Variants in RTTN observed in about 807,000 individuals in gnomAD.
The protein encoded by RTTN is rotatin.
Under a neutral mutation model 269.2 loss-of-function variants are expected in RTTN, and 182 were observed. The ratio of observed to expected loss-of-function variants is 0.68; its 90% confidence interval spans 0.60 to 0.76. The LOEUF (loss-of-function observed/expected upper bound fraction) is 0.76, where lower values mean the gene tolerates loss of function less well. RTTN is among the 30% of genes least tolerant of loss of function. The pLI, the probability that RTTN is intolerant of heterozygous loss-of-function variation, is 0.00. For synonymous variants in RTTN, 1,006 were observed against 963.5 expected, an observed-to-expected ratio of 1.04 and a Z score of -0.82; for missense variants, 2,545 against 2,608.6, an observed-to-expected ratio of 0.98 and a Z score of 0.53.
intron 28 of RTTN, among the ~76,000 whole-genome samples, chr18:70,103,774 A>AG (rs1466352737): frequency 2.7e-4 from 41 of 151,198 alleles, no homozygotes; most frequent in African/African-American, 9.2e-4. Flanking sequence ...AAAAAAAAAA[A>AG]AAAAGCAAAT....
rs1443333617 is a variant in RTTN, at chr18:70,128,456, C to T, written c.3045G>A (p.Lys1015=). The T allele has an allele frequency of 7.4e-6, 12 of 1,613,172 alleles. No homozygotes were observed. The highest frequency in any genetic ancestry group is 1.0e-5 in the Non-Finnish European group (12 of 1,179,530). The change falls in exon 24 of 49, where the codon AAG becomes AAA. Residue 1015 remains lysine (K), a synonymous_variant. Coordinates refer to ENST00000640769, the MANE Select transcript of RTTN (RefSeq NM_173630.4). The stretch of plus-strand genomic sequence containing the variant: ...CTATTCTCAGCATATCTGACACCGG[C>T]TTCAAGGCCAAACAATCAGCAGATA... ...LPLSADCLAL[K]PVSDMLRIAW...
chr18:70,003,082 G>A lies in RTTN; in HGVS notation c.*1069C>T, dbSNP rs548263006. 2.6e-5 allele frequency: 3 copies of A among 117,284 alleles called. No homozygotes were observed. Among genetic ancestry groups the A allele is most frequent in the Admixed American group, 1.2e-4 (1 of 8,060 alleles). The allele number at this position is 117,284 out of a possible 1,614,324, so 7.3% of individuals were successfully genotyped here. On this transcript the variant is annotated 3_prime_UTR_variant, in exon 49 of 49. Coordinates refer to ENST00000640769, the MANE Select transcript of RTTN (RefSeq NM_173630.4). Reference sequence around the variant, plus strand: ...GACAGAGTCTTGCTTTGTCACCCACGCTGGAATGCAGTGGCATGATCTCAG... The same window carrying A: ...GACAGAGTCTTGCTTTGTCACCCACACTGGAATGCAGTGGCATGATCTCAG...
chr18:70,181,828 T>C (rs1310737053), intron 10 of RTTN, among the ~76,000 whole-genome samples: 1 of 152,122 alleles, frequency 6.6e-6, no homozygotes, highest in East Asian at 1.9e-4. Flanking sequence ...TAAAAGTAAA[T>C]CAAATATAAT....
intron 46 of RTTN, among the ~76,000 whole-genome samples, chr18:70,012,331 A>AGAG (rs2056406858): frequency 1.3e-5 from 1 of 75,466 alleles, no homozygotes; most frequent in African/African-American, 5.2e-5. Context: ...ACTGGTTAGA[A>AGAG]GGCAGTGTCT....
chr18:70,186,550 C>T (rs2061552313), intron 10 of RTTN, among the ~76,000 whole-genome samples: 1 of 152,086 alleles, frequency 6.6e-6, no homozygotes, highest in African/African-American at 2.4e-5. Context: ...GGCCATTCTA[C>T]CATAAAGACA....
At chr18:70,109,455 A>C (rs1299033114) in intron 28 of RTTN, 43 bp downstream of exon 28, 1 of 1,511,116 alleles carries the variant, frequency 6.6e-7, no homozygotes, top group Non-Finnish European at 9.2e-7. Context: ...ATAAAGTAAA[A>C]GCAACTAATA....
chr18:70,088,121 T>A lies in RTTN; in HGVS notation c.4170A>T (p.Gly1390=), dbSNP rs2058750233. The change falls in exon 31 of 49, where the codon GGA becomes GGT. Residue 1390 remains glycine (G), a synonymous_variant. Coordinates refer to ENST00000640769, the MANE Select transcript of RTTN (RefSeq NM_173630.4). ...CCGTTTCAAGGGTGGTCAGTGCTGA[T>A]CCTAATCCCAGTGAAGTGAATCTCA... The part of the protein sequence containing the change: ...PEVRFTSLGL[G]SALTTLETGC... 1 of 1,613,420 alleles carries A rather than the reference T, an allele frequency of 6.2e-7. No homozygotes were observed. Among genetic ancestry groups the A allele is most frequent in the African/African-American group, 1.3e-5 (1 of 75,026 alleles).
chr18:70,081,186 A>G (rs1391956627), intron 32 of RTTN, among the ~76,000 whole-genome samples: 1 of 152,142 alleles, frequency 6.6e-6, no homozygotes, highest in Non-Finnish European at 1.5e-5. Flanking sequence ...AAGGGTGGGA[A>G]GGGGTGAGGG....
In RTTN at chr18:70,065,915, G is replaced by A. The variant is rs769310434; in HGVS notation, c.4661C>T (p.Pro1554Leu). ...SLSTSETTVA[P>L]SLGSTEFQPL... ...CTGAAATTCAGTACTCCCCAATGAA[G>A]GTGCCACCTATGAATCAGTAAATTA... The change falls in exon 35 of 49, where the codon CCT becomes CTT. Residue 1554 changes from proline to leucine, a missense_variant. Coordinates refer to ENST00000640769, the MANE Select transcript of RTTN (RefSeq NM_173630.4). The A allele has an allele frequency of 9.4e-6, 15 of 1,587,482 alleles. No homozygotes were observed. The African/African-American group carries it at 1.8e-4, about 19-fold the overall frequency.
intron 40 of RTTN, among the ~76,000 whole-genome samples, chr18:70,044,699 T>A (rs2057443590): frequency 6.6e-6 from 1 of 152,196 alleles, no homozygotes; most frequent in Non-Finnish European, 1.5e-5. Flanking sequence ...AATGCACTCA[T>A]CCTTCTTCGT....
intron 14 of RTTN, among the ~76,000 whole-genome samples, chr18:70,155,527 G>C (rs1205490753): frequency 6.6e-6 from 1 of 152,222 alleles, no homozygotes; most frequent in Non-Finnish European, 1.5e-5. Flanking sequence ...AAGTGCAACA[G>C]GCATGGAGCA....
chr18:70,170,510 G>C lies in RTTN; in HGVS notation c.1477-1443C>G, dbSNP rs150135238. ...TTTAAGTAGAACCCTGGAAGGGTCA[G>C]GAGCCACGTGGCTATCTGAGGGAAA... is the stretch of plus-strand genomic sequence containing the variant. On this transcript the variant is annotated intron_variant, in intron 11 of 48. Transcript: ENST00000640769. 2.9e-3 allele frequency among the ~76,000 whole-genome samples: 444 copies of C among 152,296 alleles called. 3 individuals are homozygous for C. The highest frequency in any genetic ancestry group is 0.01 in the Middle Eastern group (3 of 294).
Position 70,112,180 on chromosome 18 carries a change from G to A in RTTN, c.3683+2265C>T, listed in dbSNP as rs562721855. On this transcript the variant is annotated intron_variant, in intron 27 of 48. Coordinates refer to ENST00000640769, the MANE Select transcript of RTTN (RefSeq NM_173630.4). ...GCACTAAATATGGAAAGGAAAAACC[G>A]GTACCAGCCACTGCAAAAGCATACC... Among the ~76,000 whole-genome samples the A allele has an allele frequency of 1.8e-3, 280 of 152,192 alleles. 1 individual carries two copies. The highest frequency in any genetic ancestry group is 3.0e-3 in the Non-Finnish European group (204 of 68,022).
rs769039050 is a variant in RTTN, at chr18:70,121,602, G to T, written c.3482C>A (p.Ser1161Tyr). The T allele has an allele frequency of 1.3e-6, 2 of 1,579,158 alleles. No homozygotes were observed. The highest frequency in any genetic ancestry group is 8.5e-7 in the Non-Finnish European group (1 of 1,169,792). ...NKLIKEQRKN[S>Y]SLELLNWILE... is the part of the protein sequence containing the mutation. Reference sequence around the variant, plus strand: ...AATCCAGTTTAGAAGTTCTAGTGAAGAATTTTTTCTTTGTTCCTTTATTAA... The same window carrying T: ...AATCCAGTTTAGAAGTTCTAGTGAATAATTTTTTCTTTGTTCCTTTATTAA... Residue 1161 changes from serine to tyrosine, a missense_variant, in exon 26 of 49, where the codon TCT (serine) becomes TAT (tyrosine). Transcript: ENST00000640769.
chr18:70,204,275 A>G lies in RTTN; in HGVS notation c.220-12T>C, dbSNP rs11873759. 3.9e-3 allele frequency: 6,150 copies of G among 1,593,684 alleles called. 184 individuals carry two copies. In the African/African-American group the frequency reaches 0.067, roughly 17 times the overall value. On this transcript the variant is annotated splice_polypyrimidine_tract_variant and intron_variant, in intron 2 of 48. Transcript: ENST00000640769. ...ACTGCTGGGGGATACTAAAATAAGA[A>G]GAGGATGATCTTGAGAATAACTGTA...
chr18:70,199,869 C>A (rs1294255816), intron 4 of RTTN, among the ~76,000 whole-genome samples: 1 of 152,168 alleles, frequency 6.6e-6, no homozygotes, highest in East Asian at 1.9e-4. Context: ...TTAGGGAAAA[C>A]CTTAACTTTT....
In RTTN at chr18:70,204,153, A is replaced by G. The variant is rs372296200; in HGVS notation, c.330T>C (p.Asp110=). The change falls in exon 3 of 49, where the codon GAT becomes GAC. Residue 110 remains aspartate, a synonymous_variant. Coordinates refer to ENST00000640769, the MANE Select transcript of RTTN (RefSeq NM_173630.4). The stretch of plus-strand genomic sequence containing the variant: ...CTTCCGAAGGAAGAAGAAAAAGTCC[A>G]TCCAGAATGCCATCAATTTCAGCCT... ...NLQAEIDGIL[D]GLFLLPSEVP... is the part of the protein sequence containing the mutation. 6 of 1,614,172 alleles carry G rather than the reference A, an allele frequency of 3.7e-6. No homozygotes were observed. Among genetic ancestry groups the G allele is most frequent in the Non-Finnish European group, 5.1e-6 (6 of 1,179,998 alleles).
At chr18:70,038,308 C>T (rs531699163) in intron 40 of RTTN, among the ~76,000 whole-genome samples, 2 of 152,220 alleles carry the variant, frequency 1.3e-5, no homozygotes, top group East Asian at 3.9e-4. Context: ...GAGAGAAACC[C>T]AGTGTTGTGT....
At chr18:70,013,728 A>G (rs189898015) in intron 46 of RTTN, among the ~76,000 whole-genome samples, 1 of 152,288 alleles carries the variant, frequency 6.6e-6, no homozygotes, top group East Asian at 1.9e-4. Context: ...TGGTTTAAGT[A>G]TAAGTTTAGG....
Sources: gnomAD v4.1 joint callset for allele counts (sites outside exome capture counted in the v4.1 genomes callset) on GRCh38, gnomAD v4.1.1 for gene constraint, MANE v1.5 for transcripts, NCBI Gene and HGNC (gene_info 2026-07-23, HGNC 2026-07-21) for gene names.